RAET1E: variants seen among roughly 807,000 people sequenced by gnomAD.
The protein encoded by RAET1E is NKG2D ligand 4.
In RAET1E, 27 loss-of-function variants were observed where a neutral mutation model predicts 21.1. The observed-to-expected ratio is 1.28, with a 90% CI of 0.94 to 1.76. The LOEUF (loss-of-function observed/expected upper bound fraction) is 1.76. Among genes scored for constraint, RAET1E ranks in the 40% most tolerant of loss-of-function variants. RAET1E has a pLI of 0.00. For synonymous variants in RAET1E, 113 were observed against 115.0 expected (o/e 0.98, Z 0.11); for missense variants, 310 against 311.3 (o/e 1.00, Z 0.03).
Position 149,888,668 on chromosome 6 carries a change from C to T in RAET1E, c.623-1G>A. On this transcript the variant is annotated splice_acceptor_variant, in intron 5 of 5. Coordinates refer to ENST00000357183, the MANE Select transcript of RAET1E (RefSeq NM_001394057.1). LOFTEE classifies it high-confidence loss of function. ...ATATCTGAAGCATTTACTGGTGACA[C>T]TAAAAAAAAAAAAAAAAAGAAAAAA... is the stretch of plus-strand genomic sequence containing the variant. 3.3e-6 allele frequency: 4 copies of T among 1,213,310 alleles called. No homozygotes were observed. Among genetic ancestry groups the T allele is most frequent in the Non-Finnish European group, 4.2e-6 (4 of 960,692 alleles). The allele number at this position is 1,213,310 out of a possible 1,614,324, so 75.2% of individuals were successfully genotyped here.
At position 149,883,830 on chromosome 6, in the gene RAET1E, G is replaced by A. The variant is rs1302775580; in HGVS notation, c.*4668C>T. The A allele has an allele frequency of 6.5e-6, 1 of 152,698 alleles. No individual in the cohort carries two copies. The highest frequency in any genetic ancestry group is 1.5e-5 in the Non-Finnish European group (1 of 68,404). The allele number at this position is 152,698 out of a possible 1,614,324, so 9.5% of individuals were successfully genotyped here. A position where few individuals can be genotyped will look rare whatever the true frequency, so the allele number is the denominator to read the frequency against. On this transcript the variant is annotated 3_prime_UTR_variant, in exon 6 of 6. Coordinates refer to ENST00000357183, the MANE Select transcript of RAET1E (RefSeq NM_001394057.1). The stretch of plus-strand genomic sequence containing the variant: ...AATGATGTATTAGGGAAGAATTTCA[G>A]TGTAATGTGAATTGCACGTTTGCTT...
chr6:149,894,122 G>A (rs1263468163), intron 2 of RAET1E, among the ~76,000 whole-genome samples: 10 of 151,614 alleles, frequency 6.6e-5, no homozygotes, highest in African/African-American at 2.4e-4. Flanking sequence ...TTGCATCAAT[G>A]TTCATTAGGG....
Position 149,889,570 on chromosome 6 carries a change from T to C in RAET1E, c.400A>G (p.Thr134Ala). ...GTGGCGAACTGCCAGGATGCACCAG[T>C]GCACCGTTCTGCTTCACGTTGACAA... ...MFCQREAERC[T>A]GASWQFATNG... Residue 134 changes from threonine (T) to alanine (A), a missense_variant, in exon 5 of 6, where the codon ACT becomes GCT. Coordinates refer to ENST00000357183, the MANE Select transcript of RAET1E (RefSeq NM_001394057.1). The C allele has an allele frequency of 6.2e-7, 1 of 1,614,226 alleles. No homozygotes were observed. The highest frequency in any genetic ancestry group is 1.1e-5 in the South Asian group (1 of 91,088).
chr6:149,884,561 C>G lies in RAET1E; in HGVS notation c.*3937G>C. 1 of 1,490,168 alleles carries G rather than the reference C, an allele frequency of 6.7e-7. No homozygotes were observed. The highest frequency in any genetic ancestry group is 1.4e-5 in the African/African-American group (1 of 72,182). The allele number at this position is 1,490,168 out of a possible 1,614,324, so 92.3% of individuals were successfully genotyped here. A position where few individuals can be genotyped will look rare whatever the true frequency, so the allele number is the denominator to read the frequency against. On this transcript the variant is annotated 3_prime_UTR_variant, in exon 6 of 6. Transcript: ENST00000357183. ...CTGGGTCAGATCAGCTCAGGATTGA[C>G]CCCTCCGTGATCTCTCAGGACTCAG...
chr6:149,891,045 C>A lies in RAET1E; in HGVS notation c.-133-11G>T. 1 of 567,542 alleles carries A rather than the reference C, an allele frequency of 1.8e-6. No homozygotes were observed. The highest frequency in any genetic ancestry group is 3.2e-6 in the Non-Finnish European group (1 of 312,462). 35.2% of individuals were successfully genotyped at this position (567,542 alleles called of 1,614,324 possible). On this transcript the variant is annotated splice_polypyrimidine_tract_variant and intron_variant, in intron 2 of 5. Transcript: ENST00000357183. Reference sequence around the variant, plus strand: ...CAACTGAGGTCAGGCCTGTAGAGACCCAATTAAAGAACAATTTTGTGAAGA... The same window carrying A: ...CAACTGAGGTCAGGCCTGTAGAGACACAATTAAAGAACAATTTTGTGAAGA...
chr6:149,883,975 T>A lies in RAET1E; in HGVS notation c.*4523A>T, dbSNP rs1434546858. On this transcript the variant is annotated 3_prime_UTR_variant, in exon 6 of 6. Coordinates refer to ENST00000357183, the MANE Select transcript of RAET1E (RefSeq NM_001394057.1). ...CTCCACTGCGTAGTAATCCACAAGC[T>A]GCTACTCTTCTAACTCCCGGGGATC... 6.4e-6 allele frequency: 1 copy of A among 156,744 alleles called. No homozygotes were observed. The highest frequency in any genetic ancestry group is 1.4e-5 in the Non-Finnish European group (1 of 70,624). 9.7% of individuals were successfully genotyped at this position (156,744 alleles called of 1,614,324 possible). A position where few individuals can be genotyped will look rare whatever the true frequency, so the allele number is the denominator to read the frequency against.
In RAET1E at chr6:149,888,513, G is replaced by C. The variant is rs748642354; in HGVS notation, c.777C>G (p.Pro259=). ...CCTTACCAGACTAAGACGTCCTCAA[G>C]GGCCAGAGACCAGCCTGCCACTCAC... ...QNGEWQAGLW[P]LRTS The change falls in exon 6 of 6, where the codon CCC becomes CCG. Residue 259 remains proline, a synonymous_variant. Transcript: ENST00000357183. 3.1e-6 allele frequency: 5 copies of C among 1,612,692 alleles called. No individual in the cohort carries two copies. Among genetic ancestry groups the C allele is most frequent in the Non-Finnish European group, 4.2e-6 (5 of 1,179,742 alleles).
chr6:149,890,060 A>T lies in RAET1E; in HGVS notation c.171T>A (p.Asn57Lys). 1.2e-6 allele frequency: 2 copies of T among 1,614,108 alleles called. No homozygotes were observed. The highest frequency in any genetic ancestry group is 1.7e-6 in the Non-Finnish European group (2 of 1,179,996). Residue 57 changes from asparagine (N) to lysine (K), a missense_variant, in exon 4 of 6, where the codon AAT becomes AAA. By Grantham distance (94) the Asn-to-Lys change is moderately conservative (BLOSUM62 0). Coordinates refer to ENST00000357183, the MANE Select transcript of RAET1E (RefSeq NM_001394057.1). ...QPWCEAQVFL[N>K]KNLFLQYNSD... ...TGTTGTACTGAAGGAAAAGATTTTT[A>T]TTCAAGAAGACCTGCGCTTCACACC...
At position 149,888,615 on chromosome 6, in the gene RAET1E, A is replaced by T. The variant is rs753012688; in HGVS notation, c.675T>A (p.Asp225Glu). 1.2e-6 allele frequency: 2 copies of T among 1,608,618 alleles called. No homozygotes were observed. Among genetic ancestry groups the T allele is most frequent in the Non-Finnish European group, 1.7e-6 (2 of 1,178,982 alleles). ...TGAATGCCCCCAGGATGATCCATCT[A>T]TCTGGTAGACTAGAAGAAGACCAGT... ...DIHWSSSSLP[D>E]RWIILGAFIL... Residue 225 changes from aspartate (D) to glutamate (E), a missense_variant, in exon 6 of 6, where the codon GAT becomes GAA. Transcript: ENST00000357183.
intron 2 of RAET1E, among the ~76,000 whole-genome samples, chr6:149,892,159 A>G (rs1777930867): frequency 6.6e-6 from 1 of 152,242 alleles, no homozygotes; most frequent in South Asian, 2.1e-4. Flanking sequence ...ATAGTGCCAC[A>G]ATAAACATAC....
Position 149,890,932 on chromosome 6 carries a change from C to T in RAET1E, c.-31G>A, listed in dbSNP as rs573284121. Reference sequence around the variant, plus strand: ...GGAGAGTAACAGGCAGGAAGCTGGGCGTGTACACATTCACCCTCACTGGTA... The same window carrying T: ...GGAGAGTAACAGGCAGGAAGCTGGGTGTGTACACATTCACCCTCACTGGTA... On this transcript the variant is annotated 5_prime_UTR_variant, in exon 3 of 6. Transcript: ENST00000357183. 20 of 1,459,906 alleles carry T rather than the reference C, an allele frequency of 1.4e-5. No individual in the cohort carries two copies. Among genetic ancestry groups the T allele is most frequent in the South Asian group, 5.7e-5 (5 of 87,174 alleles). 90.4% of individuals were successfully genotyped at this position (1,459,906 alleles called of 1,614,324 possible).
chr6:149,890,675 C>T, intron 3 of RAET1E, 142 bp downstream of exon 3: 1 of 640,136 alleles, frequency 1.6e-6, no homozygotes, highest in East Asian at 2.9e-5. Flanking sequence ...CTGGGTGTAA[C>T]ATCCCAGGGA....
intron 5 of RAET1E, 65 bp downstream of exon 5, chr6:149,889,283 C>G: frequency 1.3e-6 from 2 of 1,588,260 alleles, no homozygotes; most frequent in Non-Finnish European, 1.7e-6. Context: ...CACACTGACA[C>G]CCACACAGGG....
chr6:149,897,668 G>A (rs957190027), intron 1 of RAET1E, among the ~76,000 whole-genome samples: 3 of 152,122 alleles, frequency 2.0e-5, no homozygotes, highest in African/African-American at 2.4e-5. Flanking sequence ...GAGGATCTGA[G>A]GGAGAATGGG....
In RAET1E at chr6:149,888,680, A is replaced by AT; in HGVS notation, c.623-14_623-13insA. The AT allele has an allele frequency of 6.4e-7, 1 of 1,555,686 alleles. No homozygotes were observed. Among genetic ancestry groups the AT allele is most frequent in the Non-Finnish European group, 8.6e-7 (1 of 1,163,518 alleles). Reference sequence around the variant, plus strand: ...TTTACTGGTGACACTAAAAAAAAAAAAAAAAAGAAAAAAAAGCACAAGCCC... The same window carrying AT: ...TTTACTGGTGACACTAAAAAAAAAAATAAAAAAGAAAAAAAAGCACAAGCCC... On this transcript the variant is annotated splice_polypyrimidine_tract_variant and intron_variant, in intron 5 of 5. Coordinates refer to ENST00000357183, the MANE Select transcript of RAET1E (RefSeq NM_001394057.1).
Position 149,890,950 on chromosome 6 carries a change from C to T in RAET1E, c.-49G>A, listed in dbSNP as rs377725930. On this transcript the variant is annotated 5_prime_UTR_variant, in exon 3 of 6. Transcript: ENST00000357183. ...AGCTGGGCGTGTACACATTCACCCT[C>T]ACTGGTATGGTGAAGAAATGTTATC... 6.2e-4 allele frequency: 789 copies of T among 1,280,690 alleles called. 1 individual carries two copies. The highest frequency in any genetic ancestry group is 8.2e-4 in the South Asian group (68 of 82,918). 79.3% of individuals were successfully genotyped at this position (1,280,690 alleles called of 1,614,324 possible).
chr6:149,889,296 G>T (rs1326268901), intron 5 of RAET1E, 52 bp downstream of exon 5: 1 of 1,600,876 alleles, frequency 6.2e-7, no homozygotes, highest in Non-Finnish European at 8.5e-7. Flanking sequence ...ACACAGGGAA[G>T]GCTTTTGACC....
chr6:149,888,773 G>A, intron 5 of RAET1E, 106 bp from the exon 6 acceptor site: 1 of 1,442,906 alleles, frequency 6.9e-7, no homozygotes, highest in Non-Finnish European at 9.1e-7. Context: ...GGAACACATG[G>A]TGCCCCACAT....
intron 1 of RAET1E, among the ~76,000 whole-genome samples, chr6:149,897,274 A>T (rs1448721826): frequency 6.6e-6 from 1 of 151,948 alleles, no homozygotes; most frequent in Non-Finnish European, 1.5e-5. Flanking sequence ...GGCTCAAACA[A>T]TCCTCCCCCC....
Sources: gnomAD v4.1 joint callset for allele counts (sites outside exome capture counted in the v4.1 genomes callset) on GRCh38, gnomAD v4.1.1 for gene constraint, MANE v1.5 for transcripts, NCBI Gene and HGNC (gene_info 2026-07-23, HGNC 2026-07-21) for gene names.